KCNC3: variants seen among roughly 807,000 people sequenced by gnomAD.
KCNC3 encodes the protein voltage-gated potassium channel KCNC3.
In KCNC3, 22 loss-of-function variants were observed where a neutral mutation model predicts 43.9. The ratio of observed to expected loss-of-function variants is 0.50; its 90% confidence interval spans 0.36 to 0.72. The LOEUF (loss-of-function observed/expected upper bound fraction) is 0.72, where lower values mean the gene tolerates loss of function less well. Ranked by LOEUF, KCNC3 falls within the 30% of genes least tolerant of loss-of-function variation. The pLI is 0.00. For synonymous variants in KCNC3, 492 were observed against 488.0 expected (o/e 1.01, Z -0.11); for missense variants, 829 against 1,073.8 (o/e 0.77, Z 3.19).
Position 50,323,763 on chromosome 19 carries a change from C to T in KCNC3, c.1190G>A (p.Gly397Asp). The T allele has an allele frequency of 6.2e-7, 1 of 1,614,136 alleles. No individual in the cohort carries two copies. The highest frequency in any genetic ancestry group is 8.5e-7 in the Non-Finnish European group (1 of 1,180,022). Residue 397 changes from glycine (G) to aspartate (D), a missense_variant, in exon 2 of 5, where the codon GGC becomes GAC. Transcript: ENST00000477616. ...GGCCTTGGAGCTGAGGCCCGAGAGG[C>T]CCACCTCGAGATAGAAGGGCAGGAT... ...VAILPFYLEV[G>D]LSGLSSKAAK...
At chr19:50,325,771 C>T (rs2123539826) in intron 1 of KCNC3, among the ~76,000 whole-genome samples, 1 of 152,216 alleles carries the variant, frequency 6.6e-6, no homozygotes, top group East Asian at 1.9e-4. Flanking sequence ...GGACAGCTCC[C>T]CCGCCGCAGT....
chr19:50,330,233 C>G (rs150750457), upstream of KCNC3, among the ~76,000 whole-genome samples: 4 of 152,240 alleles, frequency 2.6e-5, no homozygotes, highest in African/African-American at 9.6e-5. Context: ...CACCACTCCA[C>G]TCCAGCCTGG....
upstream of KCNC3, among the ~76,000 whole-genome samples, chr19:50,332,524 C>T (rs2037199791): frequency 1.3e-5 from 2 of 152,048 alleles, no homozygotes; most frequent in Admixed American, 6.5e-5. The surrounding 1 kb of genome is among the most constrained non-coding windows in gnomAD (Gnocchi z 5.8). Flanking sequence ...CCAGCACTCC[C>T]TCATGGCCCT....
rs185032351 is a variant in KCNC3, at chr19:50,320,375, A to G, written c.2171-26T>C. The G allele has an allele frequency of 0.025, 8,010 of 324,552 alleles. 129 individuals are homozygous for G. Among genetic ancestry groups the G allele is most frequent in the African/African-American group, 0.11 (2,782 of 24,514 alleles). The allele number at this position is 324,552 out of a possible 1,614,324, so 20.1% of individuals were successfully genotyped here. ...CTGGGGGTGGGGGAAGAGGCCAGAG[A>G]GTTGGGGGGAATGGACATGGAATAA... On this transcript the variant is annotated intron_variant, in intron 3 of 4. Transcript: ENST00000477616.
intron 4 of KCNC3, among the ~76,000 whole-genome samples, chr19:50,316,469 A>T (rs2036955914): frequency 6.6e-6 from 1 of 151,984 alleles, no homozygotes. Context: ...AGCCTGGCGC[A>T]GTGGCTCAGA....
In KCNC3 at chr19:50,328,836, C is replaced by CGCCGCCGT; in HGVS notation, c.239_246dup (p.Gly83ThrfsTer12). ...ACGATCTTGCCGCTGTCGCCACCGC[C>CGCCGCCGT]GCCGCCGTGCCGCCCCATGGCCGCC... On this transcript the variant is annotated frameshift_variant, in exon 1 of 5. Transcript: ENST00000477616. LOFTEE classifies it high-confidence loss of function. 6.7e-7 allele frequency: 1 copy of CGCCGCCGT among 1,488,208 alleles called. No individual in the cohort carries two copies. The highest frequency in any genetic ancestry group is 8.9e-7 in the Non-Finnish European group (1 of 1,124,100). 92.2% of individuals were successfully genotyped at this position (1,488,208 alleles called of 1,614,324 possible).
rs1322591563 is a variant in KCNC3, at chr19:50,320,785, C to T, written c.1979-1G>A. 1 of 1,613,590 alleles carries T rather than the reference C, an allele frequency of 6.2e-7. No homozygotes were observed. Among genetic ancestry groups the T allele is most frequent in the East Asian group, 2.2e-5 (1 of 44,880 alleles). The stretch of plus-strand genomic sequence containing the variant: ...GCCGGATCCCCATTGGGGCGAGGAT[C>T]TGCATCCCAAGGGGGTCAGACAGAG... On this transcript the variant is annotated splice_acceptor_variant, in intron 2 of 4. Transcript: ENST00000477616. LOFTEE classifies it high-confidence loss of function.
In KCNC3 at chr19:50,313,601, C is replaced by A; in HGVS notation, c.*2514G>T. On this transcript the variant is annotated 3_prime_UTR_variant, in exon 5 of 5. Transcript: ENST00000477616. ...GACAAAGAGGGTGCTTGGGGAGGGTCTGGTTCCCTGGAATTGCAGACAGGT... is the reference window on the plus strand; with the variant it reads ...GACAAAGAGGGTGCTTGGGGAGGGTATGGTTCCCTGGAATTGCAGACAGGT... 1 of 152,266 alleles carries A rather than the reference C, an allele frequency of 6.6e-6. No homozygotes were observed. 9.4% of individuals were successfully genotyped at this position (152,266 alleles called of 1,614,324 possible). A position where few individuals can be genotyped will look rare whatever the true frequency, so the allele number is the denominator to read the frequency against.
In KCNC3 at chr19:50,316,042, AG is replaced by A. The variant is rs1347481010; in HGVS notation, c.*72del. ...ATTCCCAATTGCTAACCTGGGGGGA[AG>A]GGGCGGGGGGGACCGAAAGTCTCGC... On this transcript the variant is annotated 3_prime_UTR_variant, in exon 5 of 5. Transcript: ENST00000477616. 1.1e-5 allele frequency: 1 copy of A among 91,806 alleles called. No individual in the cohort carries two copies. Among genetic ancestry groups the A allele is most frequent in the African/African-American group, 6.3e-5 (1 of 15,992 alleles). The allele number at this position is 91,806 out of a possible 1,614,324, so 5.7% of individuals were successfully genotyped here. A position where few individuals can be genotyped will look rare whatever the true frequency, so the allele number is the denominator to read the frequency against.
At chr19:50,333,533 T>C (rs186940345), upstream of KCNC3, 1 of 206,232 alleles carries the variant, frequency 4.8e-6, no homozygotes, top group Non-Finnish European at 1.0e-5. Flanking sequence ...CCCACGCATG[T>C]TGTGGCTGCG....
At chr19:50,330,877 T>G (rs2037179959), upstream of KCNC3, among the ~76,000 whole-genome samples, 1 of 151,138 alleles carries the variant, frequency 6.6e-6, no homozygotes, top group Admixed American at 6.6e-5. Context: ...GAGCGCAGGC[T>G]CAGGGGGCTG....
intron 1 of KCNC3, among the ~76,000 whole-genome samples, chr19:50,327,795 G>C (rs1002707767): frequency 6.6e-6 from 1 of 151,984 alleles, no homozygotes; most frequent in Non-Finnish European, 1.5e-5. Flanking sequence ...CCAAGGGCTG[G>C]ACGGTGACCA....
In KCNC3 at chr19:50,320,586, A is replaced by G. The variant is rs1012693939; in HGVS notation, c.2170+7T>C. 4 of 1,609,398 alleles carry G rather than the reference A, an allele frequency of 2.5e-6. No individual in the cohort carries two copies. The highest frequency in any genetic ancestry group is 3.4e-6 in the Non-Finnish European group (4 of 1,178,644). ...GTCCCAGGGGATCAGTAGGGGGGGC[A>G]CCTCACCTTTTCGGATGGAGCCATC... is the stretch of plus-strand genomic sequence containing the variant. On this transcript the variant is annotated splice_region_variant and intron_variant, in intron 3 of 4. Transcript: ENST00000477616.
rs2036908280 is a variant in KCNC3, at chr19:50,313,630, G to T, written c.*2485C>A. On this transcript the variant is annotated 3_prime_UTR_variant, in exon 5 of 5. Transcript: ENST00000477616. Reference sequence around the variant, plus strand: ...TTCCCTGGAATTGCAGACAGGTTGCGCCTATCTTGGAAGTTCTAGCATCAA... The same window carrying T: ...TTCCCTGGAATTGCAGACAGGTTGCTCCTATCTTGGAAGTTCTAGCATCAA... The T allele has an allele frequency of 6.6e-6, 1 of 152,206 alleles. No homozygotes were observed. Among genetic ancestry groups the T allele is most frequent in the Admixed American group, 6.5e-5 (1 of 15,272 alleles). The allele number at this position is 152,206 out of a possible 1,614,324, so 9.4% of individuals were successfully genotyped here. A position where few individuals can be genotyped will look rare whatever the true frequency, so the allele number is the denominator to read the frequency against.
intron 2 of KCNC3, among the ~76,000 whole-genome samples, chr19:50,321,441 G>T (rs1051589805): frequency 1.3e-5 from 2 of 151,888 alleles, no homozygotes; most frequent in African/African-American, 4.8e-5. Flanking sequence ...CTTCAGCCTG[G>T]GTGATAGAGT....
intron 1 of KCNC3, among the ~76,000 whole-genome samples, chr19:50,325,978 TTTAAC>T (rs1374838550): frequency 6.6e-6 from 1 of 152,174 alleles, no homozygotes; most frequent in Non-Finnish European, 1.5e-5. Flanking sequence ...GTCGGGCTGG[TTTAAC>T]CCCTTACTCC....
In KCNC3 at chr19:50,323,077, C is replaced by A. The variant is rs368232448; in HGVS notation, c.1876G>T (p.Gly626Trp). ...ATGATCCCCAGCCCACCCGCTCCCC[C>A]CCTGAGCAGCCCGGGGTGCGTGTGG... ...GPHTHPGLLRGGAGGLGIMGL... is the reference protein window; with the variant it reads ...GPHTHPGLLRWGAGGLGIMGL... Residue 626 changes from glycine (G) to tryptophan (W), a missense_variant, in exon 2 of 5, where the codon GGG (glycine) becomes TGG (tryptophan). Physicochemically the swap from Gly to Trp is radical, Grantham distance 184 (BLOSUM62 -2). Coordinates refer to ENST00000477616, the MANE Select transcript of KCNC3 (RefSeq NM_004977.3). 3.2e-6 allele frequency: 5 copies of A among 1,539,642 alleles called. No homozygotes were observed. Among genetic ancestry groups the A allele is most frequent in the Admixed American group, 3.9e-5 (2 of 50,710 alleles).
Position 50,320,328 on chromosome 19 carries a change from G to T in KCNC3, c.2192C>A (p.Pro731His). The change falls in exon 4 of 5, where the codon CCC (proline) becomes CAC (histidine). Residue 731 changes from proline to histidine, a missense_variant. This residue lies in a region of KCNC3 where 308 missense variants were observed against 276.2 expected (regional missense o/e 1.11). Transcript: ENST00000477616. ...IRKATGAPPL[P>H]PQDWRKPGPP... ...GCCTGGCTTACGCCAGTCTTGGGGG[G>T]GCAGTGGGGGAGCACCAGTGGCTGG... 3 of 401,488 alleles carry T rather than the reference G, an allele frequency of 7.5e-6. No individual in the cohort carries two copies. The highest frequency in any genetic ancestry group is 1.3e-5 in the Non-Finnish European group (3 of 225,522). 24.9% of individuals were successfully genotyped at this position (401,488 alleles called of 1,614,324 possible). A position where few individuals can be genotyped will look rare whatever the true frequency, so the allele number is the denominator to read the frequency against.
intron 4 of KCNC3, among the ~76,000 whole-genome samples, chr19:50,317,735 G>A (rs568178287): frequency 1.3e-5 from 2 of 152,038 alleles, no homozygotes; most frequent in South Asian, 4.2e-4. Context: ...TGTTTCTTCT[G>A]CCTGCCTGGC....
Sources: allele counts gnomAD v4.1 joint callset (sites outside exome capture counted in the v4.1 genomes callset), GRCh38; gene constraint gnomAD v4.1.1; regional missense constraint gnomAD v4.1.1; non-coding constraint Gnocchi (gnomAD v3.1); transcripts MANE v1.5; gene names NCBI Gene and HGNC (gene_info 2026-07-23, HGNC 2026-07-21).